Variants in PI4K2B observed in about 807,000 individuals in gnomAD.
PI4K2B encodes the protein phosphatidylinositol 4-kinase type 2 beta, also known as phosphatidylinositol 4-kinase type 2-beta.
A neutral mutation model predicts 56.6 loss-of-function variants in PI4K2B; 46 were observed. The observed-to-expected ratio is 0.81, with a 90% CI of 0.64 to 1.04. The LOEUF is 1.04. PI4K2B is among the 50% of genes least tolerant of loss of function. The pLI is 0.00. For missense variants in PI4K2B, 556 were observed against 607.7 expected (o/e 0.91, Z 0.89); for synonymous variants, 211 against 223.8 (o/e 0.94, Z 0.51).
chr4:25,251,348 CAT>C (rs1432757311), intron 1 of PI4K2B, among the ~76,000 whole-genome samples: 3 of 152,120 alleles, frequency 2.0e-5, no homozygotes, highest in South Asian at 2.1e-4. Context: ...GAAATTGGCT[CAT>C]GTGCATTTCT....
At position 25,234,242 on chromosome 4, in the gene PI4K2B, G is replaced by A. The variant is rs2109077406; in HGVS notation, c.79G>A (p.Glu27Lys). 1 of 1,429,042 alleles carries A rather than the reference G, an allele frequency of 7.0e-7. No individual in the cohort carries two copies. The highest frequency in any genetic ancestry group is 9.2e-7 in the Non-Finnish European group (1 of 1,090,202). 88.5% of individuals were successfully genotyped at this position (1,429,042 alleles called of 1,614,324 possible). A position where few individuals can be genotyped will look rare whatever the true frequency, so the allele number is the denominator to read the frequency against. The change falls in exon 1 of 10, where the codon GAG becomes AAG. Residue 27 changes from glutamate to lysine, a missense_variant. Coordinates refer to ENST00000264864, the MANE Select transcript of PI4K2B (RefSeq NM_018323.4). The stretch of plus-strand genomic sequence containing the variant: ...GGAGGAGGAGGAGGATGGGGAGCGG[G>A]AGCCGCTGCTACCGCGGATCGCCTG... Reference protein sequence around the residue: ...SPEEEEDGEREPLLPRIAWAH... With the variant: ...SPEEEEDGERKPLLPRIAWAH...
At chr4:25,264,474 G>A (rs1716593484) in intron 7 of PI4K2B, among the ~76,000 whole-genome samples, 1 of 149,168 alleles carries the variant, frequency 6.7e-6, no homozygotes, top group Non-Finnish European at 1.5e-5. Flanking sequence ...TATTGGTGGT[G>A]TGGACCAGGA....
intron 1 of PI4K2B, among the ~76,000 whole-genome samples, chr4:25,246,925 G>T (rs1390113931): frequency 6.6e-6 from 1 of 152,208 alleles, no homozygotes; most frequent in Non-Finnish European, 1.5e-5. Context: ...GGCCTGCCCA[G>T]CCCATGCCCA....
At position 25,268,526 on chromosome 4, in the gene PI4K2B, G is replaced by A; in HGVS notation, c.1162G>A (p.Asp388Asn). 6.3e-7 allele frequency: 1 copy of A among 1,598,054 alleles called. No individual in the cohort carries two copies. The highest frequency in any genetic ancestry group is 8.5e-7 in the Non-Finnish European group (1 of 1,169,738). ...AAATTTGATTCTACCATATATTTCT[G>A]ACATGAACTTTGTGCAAGATTTATG... ...IRNLILPYISDMNFVQDLCED... is the reference protein window; with the variant it reads ...IRNLILPYISNMNFVQDLCED... The change falls in exon 8 of 10, where the codon GAC becomes AAC. Residue 388 changes from aspartate to asparagine, a missense_variant. Physicochemically the swap from Asp to Asn is conservative, Grantham distance 23 (BLOSUM62 1). Coordinates refer to ENST00000264864, the MANE Select transcript of PI4K2B (RefSeq NM_018323.4).
chr4:25,247,707 GTTTC>G (rs755802392), intron 1 of PI4K2B, among the ~76,000 whole-genome samples: 2 of 151,976 alleles, frequency 1.3e-5, no homozygotes, highest in Non-Finnish European at 2.9e-5. Context: ...AACACCTCAA[GTTTC>G]TTTTTTTTTT....
intron 1 of PI4K2B, among the ~76,000 whole-genome samples, chr4:25,236,314 CCTAGG>C (rs1435220440): frequency 1.3e-5 from 2 of 151,982 alleles, no homozygotes; most frequent in Non-Finnish European, 2.9e-5. Flanking sequence ...TTTTGGAAGG[CCTAGG>C]TGGGTGGATC....
chr4:25,244,667 C>T (rs1317742012), intron 1 of PI4K2B, among the ~76,000 whole-genome samples: 1 of 152,142 alleles, frequency 6.6e-6, no homozygotes, highest in Non-Finnish European at 1.5e-5. Flanking sequence ...CTGAGTGTTT[C>T]CCATCTGAAA....
At chr4:25,235,677 T>C (rs551467422) in intron 1 of PI4K2B, among the ~76,000 whole-genome samples, 2 of 152,298 alleles carry the variant, frequency 1.3e-5, no homozygotes, top group Non-Finnish European at 1.5e-5. Context: ...ACATTGGCAA[T>C]TTGGGTATAT....
At chr4:25,238,311 C>T (rs1024119279) in intron 1 of PI4K2B, among the ~76,000 whole-genome samples, 2 of 152,182 alleles carry the variant, frequency 1.3e-5, no homozygotes, top group African/African-American at 4.8e-5. Flanking sequence ...CTGTCACAGT[C>T]TCTTGGTGAA....
intron 5 of PI4K2B, among the ~76,000 whole-genome samples, chr4:25,259,733 A>C (rs73806639): frequency 0.074 from 11,276 of 152,182 alleles, 475 homozygotes; most frequent in South Asian, 0.13. Flanking sequence ...AAAATCTCAT[A>C]ATGTTTCAAG....
At chr4:25,256,937 C>T (rs1468195557) in intron 4 of PI4K2B, among the ~76,000 whole-genome samples, 1 of 150,348 alleles carries the variant, frequency 6.7e-6, no homozygotes, top group Non-Finnish European at 1.5e-5. Flanking sequence ...GCATGAAAGG[C>T]TTATAAAGTA....
chr4:25,255,160 C>T lies in PI4K2B; in HGVS notation c.519C>T (p.Cys173=). ...TKYVHKVCCP[C]CFGRGCLIPN... ...ATGTCCATAAGGTCTGCTGCCCTTG[C>T]TGCTTTGGCCGAGGCTGCCTGATTC... The change falls in exon 3 of 10, where the codon TGC becomes TGT. Residue 173 remains cysteine (C), a synonymous_variant. Transcript: ENST00000264864. The T allele has an allele frequency of 6.2e-7, 1 of 1,614,094 alleles. No homozygotes were observed.
At chr4:25,273,392 A>G (rs1716978992) in intron 9 of PI4K2B, among the ~76,000 whole-genome samples, 1 of 152,234 alleles carries the variant, frequency 6.6e-6, no homozygotes, top group African/African-American at 2.4e-5. Context: ...AGAGATTTAT[A>G]TACCAGAAAC....
chr4:25,247,141 C>G (rs576129777), intron 1 of PI4K2B, among the ~76,000 whole-genome samples: 1 of 152,350 alleles, frequency 6.6e-6, no homozygotes, highest in African/African-American at 2.4e-5. Flanking sequence ...GGTGAGTGAG[C>G]AAGGGCTGCC....
At chr4:25,254,859 T>G (rs1716197040) in intron 2 of PI4K2B, among the ~76,000 whole-genome samples, 1 of 152,206 alleles carries the variant, frequency 6.6e-6, no homozygotes, top group South Asian at 2.1e-4. Flanking sequence ...GTCTTGATTT[T>G]AGATTGTTGA....
Position 25,266,938 on chromosome 4 carries a change from A to T in PI4K2B, c.1079-1505A>T, listed in dbSNP as rs1454798804. ...TTTATGAATGCTTAAATAAATAGAG[A>T]AGAGAAAGGACTAAGTGTGGAATCA... On this transcript the variant is annotated intron_variant, in intron 7 of 9. Coordinates refer to ENST00000264864, the MANE Select transcript of PI4K2B (RefSeq NM_018323.4). Among the ~76,000 whole-genome samples, 3 of 151,698 alleles carry T rather than the reference A, an allele frequency of 2.0e-5. No individual in the cohort carries two copies. In the East Asian group the frequency reaches 5.8e-4, roughly 29 times the overall value.
chr4:25,264,270 G>T (rs1370933270), intron 7 of PI4K2B, among the ~76,000 whole-genome samples: 1 of 152,102 alleles, frequency 6.6e-6, no homozygotes, highest in East Asian at 1.9e-4. Flanking sequence ...TGTGGTAAAT[G>T]ATTACGTTTT....
chr4:25,246,816 C>A (rs181599947), intron 1 of PI4K2B, among the ~76,000 whole-genome samples: 1 of 152,356 alleles, frequency 6.6e-6, no homozygotes, highest in East Asian at 1.9e-4. Flanking sequence ...CAGCGCTGGC[C>A]CAGGGGGACC....
intron 9 of PI4K2B, 161 bp from the exon 10 acceptor site, chr4:25,276,853 A>G: frequency 1.0e-6 from 1 of 985,108 alleles, no homozygotes; most frequent in African/African-American, 1.7e-5. Context: ...GTAAACATAC[A>G]TTCATATAAT....
Sources: gnomAD v4.1 joint callset for allele counts (sites outside exome capture counted in the v4.1 genomes callset) on GRCh38, gnomAD v4.1.1 for gene constraint, MANE v1.5 for transcripts, NCBI Gene and HGNC (gene_info 2026-07-23, HGNC 2026-07-21) for gene names.